EIF1AX: variants seen among roughly 807,000 people sequenced by gnomAD.
EIF1AX encodes the protein eukaryotic translation initiation factor 1A, X-chromosomal.
Under a neutral mutation model 16.1 loss-of-function variants are expected in EIF1AX, and 1 was observed. The observed-to-expected ratio is 0.06, with a 90% CI of 0.02 to 0.30. The LOEUF is 0.30. Ranked by LOEUF, EIF1AX falls within the 10% of genes least tolerant of loss-of-function variation. The pLI is 1.00. For missense variants in EIF1AX, 11 were observed against 109.1 expected (o/e 0.10, Z 4.00); for synonymous variants, 32 against 37.3 (o/e 0.86, Z 0.51).
At chrX:20,139,689 G>C (rs1054758752) in intron 1 of EIF1AX, among the ~76,000 whole-genome samples, 1 of 111,313 alleles carries the variant, frequency 9.0e-6, no homozygotes, top group Non-Finnish European at 1.9e-5. Flanking sequence ...AAAAAATGGA[G>C]GACACTTAAA....
chrX:20,141,784 G>A lies in EIF1AX; in HGVS notation c.-144C>T, dbSNP rs192416012. 56 of 584,859 alleles carry A rather than the reference G, an allele frequency of 9.6e-5. 2 individuals are homozygous for A. The Admixed American group carries it at 1.6e-3, about 17-fold the overall frequency. 48.2% of individuals were successfully genotyped at this position (584,859 alleles called of 1,213,427 possible). A position where few individuals can be genotyped will look rare whatever the true frequency, so the allele number is the denominator to read the frequency against. On this transcript the variant is annotated 5_prime_UTR_variant, in exon 1 of 7. Coordinates refer to ENST00000379607, the MANE Select transcript of EIF1AX (RefSeq NM_001412.4). ...CAGGCAACGTGCGCGGGAGAGGCTG[G>A]CGACCCAGCTCTTCAGAGATCCGCC...
chrX:20,139,485 A>C (rs1200765554), intron 1 of EIF1AX, among the ~76,000 whole-genome samples: 1 of 111,862 alleles, frequency 8.9e-6, no homozygotes, highest in Non-Finnish European at 1.9e-5. Context: ...CACTGATTAC[A>C]GTCAGTAAGC....
intron 3 of EIF1AX, among the ~76,000 whole-genome samples, chrX:20,135,207 G>A (rs896625186): frequency 2.7e-5 from 3 of 109,442 alleles, no homozygotes; most frequent in Admixed American, 9.8e-5. Context: ...AGCATTTTGG[G>A]AGGCCAAGGT....
intron 1 of EIF1AX, among the ~76,000 whole-genome samples, chrX:20,139,448 C>T (rs2067027352): frequency 9.0e-6 from 1 of 111,608 alleles, no homozygotes; most frequent in Non-Finnish European, 1.9e-5. Context: ...TTAAGTAAGT[C>T]GCTTAGCTTC....
At chrX:20,134,139 C>G in intron 3 of EIF1AX, 132 bp from the exon 4 acceptor site, 1 of 682,300 alleles carries the variant, frequency 1.5e-6, no homozygotes, top group Non-Finnish European at 2.2e-6. Flanking sequence ...GTAATCCCAG[C>G]ACTCTGGGAG....
Position 20,128,320 on chromosome X carries a change from G to GAAAAGAATATCAGATGAAAGGA in EIF1AX, c.430-10_430-9insTCCTTTCATCTGATATTCTTTT. 3.4e-6 allele frequency: 4 copies of GAAAAGAATATCAGATGAAAGGA among 1,191,870 alleles called. No individual in the cohort carries two copies. The highest frequency in any genetic ancestry group is 4.5e-6 in the Non-Finnish European group (4 of 881,118). ...TTGAGTTCAATTTAGATCTGGAAGGGAAAAGAACATCAGATGAAAGGAAAA... is the reference window on the plus strand; with the variant it reads ...TTGAGTTCAATTTAGATCTGGAAGGGAAAAGAATATCAGATGAAAGGAAAAAGAACATCAGATGAAAGGAAAA... On this transcript the variant is annotated splice_polypyrimidine_tract_variant and intron_variant, in intron 6 of 6. Coordinates refer to ENST00000379607, the MANE Select transcript of EIF1AX (RefSeq NM_001412.4).
intron 6 of EIF1AX, among the ~76,000 whole-genome samples, chrX:20,130,023 C>A (rs1351731994): frequency 9.0e-6 from 1 of 111,003 alleles, no homozygotes; most frequent in Non-Finnish European, 1.9e-5. Context: ...AAAATAGGGC[C>A]GGGCATGGTG....
chrX:20,138,396 G>A, intron 2 of EIF1AX, 143 bp downstream of exon 2: 1 of 497,743 alleles, frequency 2.0e-6, no homozygotes, highest in Non-Finnish European at 3.6e-6. Flanking sequence ...TTCAGCCCAG[G>A]AGGTCATGGC....
chrX:20,138,460 G>A (rs2067024551), intron 2 of EIF1AX, 79 bp downstream of exon 2: 9 of 820,224 alleles, frequency 1.1e-5, no homozygotes, highest in South Asian at 2.1e-5. Flanking sequence ...TGGGCAAGAC[G>A]CTGTCTCAAA....
In EIF1AX at chrX:20,125,315, T is replaced by C. The variant is rs2075880303; in HGVS notation, c.*2991A>G. The C allele has an allele frequency of 5.9e-6, 1 of 169,060 alleles. No homozygotes were observed. The highest frequency in any genetic ancestry group is 8.0e-5 in the Admixed American group (1 of 12,519). 13.9% of individuals were successfully genotyped at this position (169,060 alleles called of 1,213,427 possible). On this transcript the variant is annotated 3_prime_UTR_variant, in exon 7 of 7. Transcript: ENST00000379607. ...GCTCAGTTCATTCTATACCTGAGAG[T>C]CTTGTGTCTTTTCACATTTTGCTCT...
Position 20,125,240 on chromosome X carries a change from G to C in EIF1AX, c.*3066C>G, listed in dbSNP as rs1438145400. On this transcript the variant is annotated 3_prime_UTR_variant, in exon 7 of 7. Coordinates refer to ENST00000379607, the MANE Select transcript of EIF1AX (RefSeq NM_001412.4). The stretch of plus-strand genomic sequence containing the variant: ...TCACAAGTACCTAGCAACTTGCAGG[G>C]CTAGGAGGGGGGAATAAGAGAGGAC... 6.1e-6 allele frequency: 1 copy of C among 163,111 alleles called. No homozygotes were observed. The highest frequency in any genetic ancestry group is 3.2e-4 in the South Asian group (1 of 3,153). The allele number at this position is 163,111 out of a possible 1,213,427, so 13.4% of individuals were successfully genotyped here. A position where few individuals can be genotyped will look rare whatever the true frequency, so the allele number is the denominator to read the frequency against.
Position 20,141,541 on chromosome X carries a change from G to A in EIF1AX, c.16+84C>T, listed in dbSNP as rs777998727. ...GGCGGGAAGGAAAAAGGGTCACTGC[G>A]GCCTGGGTGACCTGCAATCTACGGG... On this transcript the variant is annotated intron_variant, in intron 1 of 6. Transcript: ENST00000379607. The A allele has an allele frequency of 1.9e-5, 21 of 1,081,710 alleles. No individual in the cohort carries two copies. In the Admixed American group the frequency reaches 4.1e-4, roughly 21 times the overall value. The allele number at this position is 1,081,710 out of a possible 1,213,427, so 89.1% of individuals were successfully genotyped here. A position where few individuals can be genotyped will look rare whatever the true frequency, so the allele number is the denominator to read the frequency against.
At chrX:20,137,957 T>C (rs2067022367) in intron 2 of EIF1AX, among the ~76,000 whole-genome samples, 1 of 104,939 alleles carries the variant, frequency 9.5e-6, no homozygotes, top group Non-Finnish European at 1.9e-5. Context: ...AGTTCGAGAA[T>C]AGCCAGGGCA....
intron 2 of EIF1AX, among the ~76,000 whole-genome samples, chrX:20,137,872 C>T (rs1476012707): frequency 1.8e-5 from 2 of 110,600 alleles, no homozygotes; most frequent in African/African-American, 6.6e-5. Flanking sequence ...AGCTCAATTC[C>T]CTCTGAACTA....
At chrX:20,136,110 G>A (rs1178993441) in intron 2 of EIF1AX, 1 of 301,625 alleles carries the variant, frequency 3.3e-6, no homozygotes, top group African/African-American at 2.7e-5. Flanking sequence ...ACAAAGGTCA[G>A]TCGTAAAACC....
intron 3 of EIF1AX, 135 bp from the exon 4 acceptor site, chrX:20,134,142 T>C: frequency 1.6e-6 from 1 of 643,572 alleles, no homozygotes; most frequent in Admixed American, 3.8e-5. Flanking sequence ...ATCCCAGCAC[T>C]CTGGGAGGCC....
chrX:20,138,510 T>TA lies in EIF1AX; in HGVS notation c.100+28dup, dbSNP rs762136651. On this transcript the variant is annotated intron_variant, in intron 2 of 6. Coordinates refer to ENST00000379607, the MANE Select transcript of EIF1AX (RefSeq NM_001412.4). Reference sequence around the variant, plus strand: ...AGCTAAAAAAGAAAGGATGTTATTTTAAAAAGCGTAATTTATGAAAACACT... The same window carrying TA: ...AGCTAAAAAAGAAAGGATGTTATTTTAAAAAAGCGTAATTTATGAAAACACT... 8.2e-6 allele frequency: 9 copies of TA among 1,100,831 alleles called. No homozygotes were observed. The African/African-American group carries it at 1.6e-4, about 20-fold the overall frequency. 90.7% of individuals were successfully genotyped at this position (1,100,831 alleles called of 1,213,427 possible). A position where few individuals can be genotyped will look rare whatever the true frequency, so the allele number is the denominator to read the frequency against.
At chrX:20,134,296 G>A (rs779244062) in intron 3 of EIF1AX, among the ~76,000 whole-genome samples, 7 of 111,828 alleles carry the variant, frequency 6.3e-5, no homozygotes, top group Non-Finnish European at 1.3e-4. Context: ...GCTGAGGCTG[G>A]AGAATCACTT....
chrX:20,140,623 A>C (rs2067030994), intron 1 of EIF1AX, among the ~76,000 whole-genome samples: 1 of 111,908 alleles, frequency 8.9e-6, no homozygotes, highest in Admixed American at 9.5e-5. Flanking sequence ...TGTCAAGTAG[A>C]AAAGAGAGCA....
Sources: allele counts gnomAD v4.1 joint callset (sites outside exome capture counted in the v4.1 genomes callset), GRCh38; gene constraint gnomAD v4.1.1; transcripts MANE v1.5; gene names NCBI Gene and HGNC (gene_info 2026-07-23, HGNC 2026-07-21).